GAK: variants seen among roughly 807,000 people sequenced by gnomAD.
GAK encodes cyclin-G-associated kinase.
In GAK, 79 loss-of-function variants were observed where a neutral mutation model predicts 143.9. The observed-to-expected ratio is 0.55, with a 90% CI of 0.46 to 0.66. The LOEUF (loss-of-function observed/expected upper bound fraction) is 0.66, where lower values mean the gene tolerates loss of function less well. Among genes scored for constraint, GAK ranks in the 30% least tolerant of loss-of-function variants. The pLI is 0.00. For missense variants in GAK, 1,693 were observed against 1,779.7 expected (o/e 0.95, Z 0.88); for synonymous variants, 881 against 765.5 (o/e 1.15, Z -2.49).
chr4:883,989 A>C, intron 12 of GAK, 48 bp downstream of exon 12: 3 of 1,560,314 alleles, frequency 1.9e-6, no homozygotes, highest in Non-Finnish European at 2.6e-6. Context: ...CACTGGGCAC[A>C]CAGGGAAGGG....
At chr4:902,056 G>A (rs545748726) in intron 5 of GAK, among the ~76,000 whole-genome samples, 3 of 152,272 alleles carry the variant, frequency 2.0e-5, no homozygotes, top group African/African-American at 4.8e-5. Flanking sequence ...TAGACAACAT[G>A]GTGAAACCCT....
chr4:856,187 C>G (rs1749099850), intron 24 of GAK, among the ~76,000 whole-genome samples: 1 of 136,980 alleles, frequency 7.3e-6, no homozygotes, highest in African/African-American at 2.6e-5. Context: ...CTCACACCTG[C>G]TCACCACAGC....
chr4:896,531 G>C lies in GAK; in HGVS notation c.670C>G (p.Pro224Ala). 1.2e-6 allele frequency: 2 copies of C among 1,612,890 alleles called. No individual in the cohort carries two copies. The highest frequency in any genetic ancestry group is 1.7e-6 in the Non-Finnish European group (2 of 1,178,840). ...ATGATTTCTGGTGTTCTATACATTG[G>C]TGTTGTATTCCTCGTGATCTGAAAA... ...VEEEITRNTT[P>A]MYRTPEIIDL... The change falls in exon 7 of 28, where the codon CCA becomes GCA. Residue 224 changes from proline to alanine, a missense_variant. Transcript: ENST00000314167.
intron 7 of GAK, among the ~76,000 whole-genome samples, chr4:895,475 C>T (rs1560385173): frequency 6.6e-6 from 1 of 152,240 alleles, no homozygotes; most frequent in Non-Finnish European, 1.5e-5. Flanking sequence ...TGGCCCCATC[C>T]TTCCACACTC....
In GAK at chr4:877,881, GAATA is replaced by G. The variant is rs1714295151; in HGVS notation, c.1662-76_1662-73del. 11 of 1,381,808 alleles carry G rather than the reference GAATA, an allele frequency of 8.0e-6. No individual in the cohort carries two copies. The Admixed American group carries it at 1.1e-4, about 14-fold the overall frequency. The allele number at this position is 1,381,808 out of a possible 1,614,324, so 85.6% of individuals were successfully genotyped here. On this transcript the variant is annotated intron_variant, in intron 15 of 27. Transcript: ENST00000314167. ...GACCACACAGCTGATTTTGTCTTTC[GAATA>G]GAAGTTTTTCATGCTAGAAATTTCC... is the stretch of plus-strand genomic sequence containing the variant.
intron 6 of GAK, 151 bp from the exon 7 acceptor site, chr4:896,700 C>G: frequency 1.5e-6 from 1 of 672,728 alleles, no homozygotes; most frequent in South Asian, 1.7e-5. Flanking sequence ...TCAGGCCAGT[C>G]GGCCCCATGC....
intron 5 of GAK, among the ~76,000 whole-genome samples, chr4:902,009 G>A (rs1470341785): frequency 1.3e-5 from 2 of 152,198 alleles, no homozygotes; most frequent in Admixed American, 6.5e-5. Context: ...AGGCCAAGGC[G>A]GGAGGGTGAC....
intron 23 of GAK, among the ~76,000 whole-genome samples, chr4:860,385 G>C (rs1386725545): frequency 2.0e-5 from 3 of 151,092 alleles, no homozygotes; most frequent in African/African-American, 7.3e-5. Context: ...ACTTGATAGA[G>C]TGCCATGCAG....
At position 905,621 on chromosome 4, in the gene GAK, G is replaced by T. The variant is rs550032559; in HGVS notation, c.383-842C>A. Among the ~76,000 whole-genome samples, 12 of 148,946 alleles carry T rather than the reference G, an allele frequency of 8.1e-5. No individual in the cohort carries two copies. The East Asian group carries it at 2.4e-3, about 30-fold the overall frequency. On this transcript the variant is annotated intron_variant, in intron 4 of 27. Transcript: ENST00000314167. ...TACGGACTCCGCCAAACCAGGCCAC[G>T]CTTCGGACTCTGCCACGCCCCAGGC...
chr4:898,393 C>T (rs540709150), intron 5 of GAK, among the ~76,000 whole-genome samples: 40 of 152,342 alleles, frequency 2.6e-4, no homozygotes, highest in African/African-American at 8.4e-4. Flanking sequence ...GCGGGTGGGC[C>T]GGCCTGAGAA....
Position 900,335 on chromosome 4 carries a change from C to T in GAK, c.526-2177G>A, listed in dbSNP as rs1719632988. Among the ~76,000 whole-genome samples the T allele has an allele frequency of 4.6e-5, 7 of 152,376 alleles. No individual in the cohort carries two copies. In the South Asian group the frequency reaches 1.4e-3, roughly 32 times the overall value. On this transcript the variant is annotated intron_variant, in intron 5 of 27. Coordinates refer to ENST00000314167, the MANE Select transcript of GAK (RefSeq NM_005255.4). Reference sequence around the variant, plus strand: ...CTCCGCAAACAGCCGTCCAGACTCCCACGGCGGAGGCCACAGGTGAACACA... The same window carrying T: ...CTCCGCAAACAGCCGTCCAGACTCCTACGGCGGAGGCCACAGGTGAACACA...
chr4:883,165 C>T, intron 13 of GAK, 150 bp downstream of exon 13: 23 of 910,592 alleles, frequency 2.5e-5, no homozygotes, highest in Non-Finnish European at 3.7e-5. Context: ...CCCACCTCGC[C>T]CCCTCCTGTC....
Position 894,055 on chromosome 4 carries a change from G to A in GAK, c.742-46C>T, listed in dbSNP as rs866009739. On this transcript the variant is annotated intron_variant, in intron 7 of 27. Transcript: ENST00000314167. The stretch of plus-strand genomic sequence containing the variant: ...ATGCCTAGGCCCACGGGGAGCGCAG[G>A]GGTGACGCCTGGGCCTGCGGGGAGA... The A allele has an allele frequency of 7.3e-6, 11 of 1,511,982 alleles. 1 individual carries two copies. In the Middle Eastern group the frequency reaches 1.8e-3, roughly 241 times the overall value. 93.7% of individuals were successfully genotyped at this position (1,511,982 alleles called of 1,614,324 possible). A position where few individuals can be genotyped will look rare whatever the true frequency, so the allele number is the denominator to read the frequency against.
chr4:929,541 T>C (rs1236600675), intron 1 of GAK, among the ~76,000 whole-genome samples: 1 of 152,154 alleles, frequency 6.6e-6, no homozygotes, highest in African/African-American at 2.4e-5. Flanking sequence ...TTGGTGCTCC[T>C]GATAATCTGC....
intron 1 of GAK, among the ~76,000 whole-genome samples, chr4:920,593 C>T (rs1375014454): frequency 9.3e-5 from 13 of 139,238 alleles, no homozygotes; most frequent in Non-Finnish European, 1.8e-4. Context: ...GCCCAGGCTG[C>T]GGTGCAGAGG....
At chr4:883,219 A>C in intron 13 of GAK, 96 bp downstream of exon 13, 2 of 1,457,056 alleles carry the variant, frequency 1.4e-6, no homozygotes, top group South Asian at 2.7e-5. Flanking sequence ...CGCCCCCATC[A>C]CAGCCCCACC....
intron 5 of GAK, among the ~76,000 whole-genome samples, chr4:899,257 T>C (rs780471420): frequency 1.3e-5 from 2 of 152,130 alleles, no homozygotes; most frequent in Non-Finnish European, 2.9e-5. Flanking sequence ...CCTTCTGAGA[T>C]AGGGAAGGAG....
chr4:895,785 G>T (rs74846645), intron 7 of GAK, among the ~76,000 whole-genome samples: 4,537 of 152,300 alleles, frequency 0.03, 97 homozygotes, highest in South Asian at 0.089. Flanking sequence ...CAGCCATCAG[G>T]CTCAGCCCTC....
intron 23 of GAK, 36 bp from the exon 24 acceptor site, chr4:859,758 A>C: frequency 2.1e-6 from 3 of 1,455,586 alleles, no homozygotes; most frequent in South Asian, 1.2e-5. Flanking sequence ...AACAAGCACC[A>C]TCTGAAGCGA....
Sources: allele counts gnomAD v4.1 joint callset (sites outside exome capture counted in the v4.1 genomes callset), GRCh38; gene constraint gnomAD v4.1.1; transcripts MANE v1.5; gene names NCBI Gene and HGNC (gene_info 2026-07-23, HGNC 2026-07-21).